The following NRXN3 variants were observed in gnomAD, a reference collection of about 807,000 sequenced individuals.
NRXN3 encodes neurexin III.
A neutral mutation model predicts 137.6 loss-of-function variants in NRXN3; 32 were observed. That is an observed-to-expected ratio of 0.23 (90% CI 0.18 to 0.31). NRXN3 has a LOEUF of 0.31. Among genes scored for constraint, NRXN3 ranks in the 10% least tolerant of loss-of-function variants. NRXN3 has a pLI of 1.00. For missense variants in NRXN3, 1,574 were observed against 2,062.5 expected, an observed-to-expected ratio of 0.76 and a Z score of 4.59; for synonymous variants, 798 against 784.5, an observed-to-expected ratio of 1.02 and a Z score of -0.29.
intron 4 of NRXN3, among the ~76,000 whole-genome samples, chr14:78,634,552 A>C (rs2097550474): frequency 6.6e-6 from 1 of 152,226 alleles, no homozygotes; most frequent in Admixed American, 6.5e-5. Flanking sequence ...GAAGTATTTC[A>C]AACATAAAAC....
chr14:78,410,402 C>T (rs2092754149), intron 4 of NRXN3, among the ~76,000 whole-genome samples: 1 of 152,168 alleles, frequency 6.6e-6, no homozygotes, highest in Admixed American at 6.5e-5. Flanking sequence ...AGTATGTCTG[C>T]TCTATGCTCA....
chr14:78,273,989 C>A (rs1032781283), intron 2 of NRXN3, among the ~76,000 whole-genome samples: 1 of 152,218 alleles, frequency 6.6e-6, no homozygotes, highest in Non-Finnish European at 1.5e-5. Context: ...GCTGGCTGTG[C>A]AGCCTGTCCC....
intron 19 of NRXN3, among the ~76,000 whole-genome samples, chr14:79,732,941 T>A (rs935886085): frequency 9.2e-5 from 14 of 152,162 alleles, no homozygotes; most frequent in African/African-American, 3.4e-4. Context: ...AAAGAAGATG[T>A]TCAGATTTAT....
At chr14:78,802,547 G>T (rs766556309) in intron 8 of NRXN3, among the ~76,000 whole-genome samples, 67 of 152,322 alleles carry the variant, frequency 4.4e-4, no homozygotes, top group Non-Finnish European at 8.2e-4. Context: ...AATAAAAAAA[G>T]TCTTGGTTTT....
rs78757292 is a variant in NRXN3, at chr14:78,654,169, C to T, written c.1221+2843C>T. 8.0e-3 allele frequency among the ~76,000 whole-genome samples: 1,223 copies of T among 152,306 alleles called. 23 individuals carry two copies. Among genetic ancestry groups the T allele is most frequent in the African/African-American group, 0.028 (1,171 of 41,578 alleles). ...TGGGCAGGTCTATGGAGATACTTCT[C>T]TTGTTCTTGGTATTTGTTTTTGATA... On this transcript the variant is annotated intron_variant, in intron 6 of 20. Coordinates refer to ENST00000335750, the MANE Select transcript of NRXN3 (RefSeq NM_001330195.2).
intron 16 of NRXN3, among the ~76,000 whole-genome samples, chr14:79,493,545 G>C (rs1352351450): frequency 6.6e-6 from 1 of 151,938 alleles, no homozygotes; most frequent in Non-Finnish European, 1.5e-5. Context: ...CAAACATATA[G>C]AAAAAAAGCA....
intron 4 of NRXN3, among the ~76,000 whole-genome samples, chr14:78,363,354 A>G (rs2085415433): frequency 6.6e-6 from 1 of 152,232 alleles, no homozygotes; most frequent in Non-Finnish European, 1.5e-5. Context: ...AGATGGGCTA[A>G]GCAAGGGCAA....
chr14:78,266,581 G>A (rs2071766243), intron 2 of NRXN3, among the ~76,000 whole-genome samples: 1 of 152,138 alleles, frequency 6.6e-6, no homozygotes, highest in African/African-American at 2.4e-5. Context: ...ACAAGCATGA[G>A]CCACCAAGCC....
intron 4 of NRXN3, among the ~76,000 whole-genome samples, chr14:78,627,397 A>G (rs1237813433): frequency 1.3e-5 from 2 of 152,186 alleles, no homozygotes; most frequent in African/African-American, 4.8e-5. Context: ...AAAGAGCTCA[A>G]TGAGTAGAAA....
At chr14:79,705,242 G>T (rs1393629870) in intron 19 of NRXN3, among the ~76,000 whole-genome samples, 1 of 152,092 alleles carries the variant, frequency 6.6e-6, no homozygotes, top group Non-Finnish European at 1.5e-5. Flanking sequence ...AAACCTCAGG[G>T]TGGTTTTTCT....
rs1011935680 is a variant in NRXN3, at chr14:79,002,371, A to T, written c.3262+14230A>T. On this transcript the variant is annotated intron_variant, in intron 15 of 20. Transcript: ENST00000335750. Reference sequence around the variant, plus strand: ...TTTTCCTAATGCTCTCCCTCCTCTGATCCTATCCCCTGACAGGCCCCAGTG... The same window carrying T: ...TTTTCCTAATGCTCTCCCTCCTCTGTTCCTATCCCCTGACAGGCCCCAGTG... Among the ~76,000 whole-genome samples, 14 of 151,942 alleles carry T rather than the reference A, an allele frequency of 9.2e-5. No individual in the cohort carries two copies. In the East Asian group the frequency reaches 2.7e-3, roughly 29 times the overall value.
chr14:78,225,964 TGTGTGTGTTG>T (rs1439677826), intron 1 of NRXN3, among the ~76,000 whole-genome samples: 5 of 132,758 alleles, frequency 3.8e-5, no homozygotes, highest in African/African-American at 1.3e-4. Context: ...TGTGTGTGTG[TGTGTGTGTTG>T]GTGTGTGTGT....
At chr14:79,220,292 T>C (rs1259532778) in intron 15 of NRXN3, among the ~76,000 whole-genome samples, 1 of 152,210 alleles carries the variant, frequency 6.6e-6, no homozygotes, top group East Asian at 1.9e-4. Flanking sequence ...TCCTTTTGAA[T>C]AGACTTTATT....
At chr14:79,701,276 T>C (rs1382065113) in intron 19 of NRXN3, among the ~76,000 whole-genome samples, 1 of 152,100 alleles carries the variant, frequency 6.6e-6, no homozygotes. Flanking sequence ...ACTATTTATA[T>C]GAAACAAATT....
chr14:79,018,424 C>T (rs984350234), intron 15 of NRXN3, among the ~76,000 whole-genome samples: 1 of 152,004 alleles, frequency 6.6e-6, no homozygotes, highest in Non-Finnish European at 1.5e-5. Flanking sequence ...ACCATCATAG[C>T]CCTGCCACTT....
At chr14:79,803,939 ATATATG>A (rs2140567283) in intron 19 of NRXN3, among the ~76,000 whole-genome samples, 2 of 139,144 alleles carry the variant, frequency 1.4e-5, no homozygotes, top group East Asian at 4.0e-4. Context: ...GTGTGTATAT[ATATATG>A]TATATATATA....
chr14:79,325,836 C>T (rs1227997392), intron 15 of NRXN3, among the ~76,000 whole-genome samples: 2 of 152,100 alleles, frequency 1.3e-5, no homozygotes, highest in African/African-American at 2.4e-5. Context: ...TGCACAATGC[C>T]ATCTTGTCTG....
intron 19 of NRXN3, among the ~76,000 whole-genome samples, chr14:79,773,286 C>T (rs2099085227): frequency 6.6e-6 from 1 of 151,872 alleles, no homozygotes; most frequent in African/African-American, 2.4e-5. Flanking sequence ...GGGTATATAC[C>T]CAAAGGACTA....
intron 4 of NRXN3, among the ~76,000 whole-genome samples, chr14:78,372,528 T>C (rs1403353634): frequency 1.3e-5 from 2 of 152,172 alleles, no homozygotes; most frequent in Non-Finnish European, 2.9e-5. Context: ...GGTTTCACCA[T>C]GTTGGCCAGG....
Sources: gnomAD v4.1 joint callset for allele counts (sites outside exome capture counted in the v4.1 genomes callset) on GRCh38, gnomAD v4.1.1 for gene constraint, MANE v1.5 for transcripts, NCBI Gene and HGNC (gene_info 2026-07-23, HGNC 2026-07-21) for gene names.